The following GAB1 variants were observed in gnomAD, a reference collection of about 807,000 sequenced individuals.
GAB1 encodes GRB2 associated binding protein 1, also known as GRB2-associated-binding protein 1.
GAB1 carries 19 observed loss-of-function variants against 66.5 expected under a neutral mutation model. The observed-to-expected ratio is 0.29, with a 90% CI of 0.20 to 0.42. The LOEUF is 0.42. Among genes scored for constraint, GAB1 ranks in the 10% least tolerant of loss-of-function variants. The pLI is 1.00. For missense variants in GAB1, 732 were observed against 858.5 expected (o/e 0.85, Z 1.84); for synonymous variants, 294 against 301.4 (o/e 0.98, Z 0.25).
At chr4:143,413,811 C>G (rs371875385) in intron 1 of GAB1, among the ~76,000 whole-genome samples, 3 of 133,586 alleles carry the variant, frequency 2.2e-5, no homozygotes, top group African/African-American at 1.0e-4. Context: ...AGCATCCCCA[C>G]CACCCCGCTG....
chr4:143,344,974 T>C (rs1728942944), intron 1 of GAB1, among the ~76,000 whole-genome samples: 1 of 152,200 alleles, frequency 6.6e-6, no homozygotes, highest in Admixed American at 6.5e-5. Flanking sequence ...TTACATTAGC[T>C]CTTGAAGCAT....
chr4:143,385,466 T>A (rs1730855020), intron 1 of GAB1, among the ~76,000 whole-genome samples: 1 of 152,216 alleles, frequency 6.6e-6, no homozygotes, highest in Non-Finnish European at 1.5e-5. Context: ...TTGTTGGTGC[T>A]TTCCTCCTCT....
In GAB1 at chr4:143,433,634, C is replaced by T; in HGVS notation, c.511C>T (p.Leu171=). 2.5e-6 allele frequency: 4 copies of T among 1,614,008 alleles called. No homozygotes were observed. The highest frequency in any genetic ancestry group is 3.4e-6 in the Non-Finnish European group (4 of 1,179,906). Residue 171 remains leucine, a synonymous_variant, in exon 3 of 10, where the codon CTG becomes TTG. Transcript: ENST00000262994. The stretch of plus-strand genomic sequence containing the variant: ...TCAGCTAATCAATGTTCCACCACAC[C>T]TGGAAACTCTTGGCATTCAGGAGGA... ...PYQLINVPPH[L]ETLGIQEDPQ...
chr4:143,459,412 C>T lies in GAB1; in HGVS notation c.1613C>T (p.Pro538Leu). The T allele has an allele frequency of 6.2e-7, 1 of 1,610,390 alleles. No homozygotes were observed. Among genetic ancestry groups the T allele is most frequent in the Non-Finnish European group, 8.5e-7 (1 of 1,176,748 alleles). ...AAGCCAGCGCCTTTAGAAATAAAACCTTTGCCAGAATGGGAAGAATTACAA... is the reference window on the plus strand; with the variant it reads ...AAGCCAGCGCCTTTAGAAATAAAACTTTTGCCAGAATGGGAAGAATTACAA... ...KVKPAPLEIK[P>L]LPEWEELQAP... is the part of the protein sequence containing the mutation. The change falls in exon 7 of 10, where the codon CCT becomes CTT. Residue 538 changes from proline (P) to leucine (L), a missense_variant. Coordinates refer to ENST00000262994, the MANE Select transcript of GAB1 (RefSeq NM_002039.4).
At chr4:143,459,527 C>A in intron 7 of GAB1, 49 bp downstream of exon 7, 1 of 1,003,966 alleles carries the variant, frequency 1.0e-6, no homozygotes, top group Non-Finnish European at 1.6e-6. Context: ...ATGTGACTAT[C>A]TAGAATTGTT....
chr4:143,437,835 A>G (rs1734012429), intron 3 of GAB1, among the ~76,000 whole-genome samples, 164 bp from the exon 4 acceptor site: 1 of 152,148 alleles, frequency 6.6e-6, no homozygotes, highest in Non-Finnish European at 1.5e-5. Context: ...TCTGATGTAT[A>G]ATCATAAAGG....
At chr4:143,447,593 G>C (rs932036103) in intron 6 of GAB1, among the ~76,000 whole-genome samples, 22 of 152,178 alleles carry the variant, frequency 1.4e-4, no homozygotes, top group Middle Eastern at 3.4e-3. Context: ...TTGGCTCTCT[G>C]TTATTGGTGT....
chr4:143,468,806 C>A (rs1735934313), intron 9 of GAB1, among the ~76,000 whole-genome samples: 1 of 151,868 alleles, frequency 6.6e-6, no homozygotes, highest in African/African-American at 2.4e-5. Flanking sequence ...GCCTGTAATC[C>A]CAGCTACTCA....
intron 1 of GAB1, among the ~76,000 whole-genome samples, chr4:143,350,725 T>C (rs1729172348): frequency 6.8e-6 from 1 of 147,444 alleles, no homozygotes; most frequent in Admixed American, 6.8e-5. Flanking sequence ...TAGGCCCTGG[T>C]AATGGGAAAA....
chr4:143,411,029 A>C (rs1431277273), intron 1 of GAB1, among the ~76,000 whole-genome samples: 1 of 152,136 alleles, frequency 6.6e-6, no homozygotes, highest in Non-Finnish European at 1.5e-5. Context: ...TAGGGGGTAG[A>C]TTTTGTGCCA....
At chr4:143,452,144 A>G (rs929318961) in intron 6 of GAB1, among the ~76,000 whole-genome samples, 10 of 152,218 alleles carry the variant, frequency 6.6e-5, no homozygotes, top group Non-Finnish European at 1.0e-4. Flanking sequence ...GTTTCTCACT[A>G]TGTTGCCCAG....
chr4:143,392,873 AG>A (rs994293310), intron 1 of GAB1, among the ~76,000 whole-genome samples: 3 of 152,154 alleles, frequency 2.0e-5, no homozygotes, highest in African/African-American at 7.2e-5. Context: ...TGGATATCTG[AG>A]GTTTTTTACT....
chr4:143,445,730 T>A (rs2149768039), intron 6 of GAB1, among the ~76,000 whole-genome samples: 1 of 152,276 alleles, frequency 6.6e-6, no homozygotes, highest in South Asian at 2.1e-4. Flanking sequence ...ATTGAGATGA[T>A]CATATGTTTT....
intron 1 of GAB1, among the ~76,000 whole-genome samples, chr4:143,402,616 A>G (rs1024221822): frequency 6.6e-6 from 1 of 152,184 alleles, no homozygotes; most frequent in Admixed American, 6.5e-5. Flanking sequence ...AAAGGGTTGG[A>G]GATTTGTGGT....
At chr4:143,448,270 T>C (rs1256370074) in intron 6 of GAB1, among the ~76,000 whole-genome samples, 2 of 151,962 alleles carry the variant, frequency 1.3e-5, no homozygotes, top group Admixed American at 6.5e-5. Context: ...GTTGTGTCTC[T>C]GCCCGGCTTT....
At chr4:143,369,212 A>AT (rs1730013917) in intron 1 of GAB1, among the ~76,000 whole-genome samples, 1 of 152,026 alleles carries the variant, frequency 6.6e-6, no homozygotes, top group Admixed American at 6.6e-5. Flanking sequence ...GAGTGCTGGG[A>AT]TTACAGTTAT....
At position 143,470,104 on chromosome 4, in the gene GAB1, A is replaced by G. The variant is rs921029425; in HGVS notation, c.*915A>G. The G allele has an allele frequency of 1.3e-5, 2 of 152,212 alleles. No homozygotes were observed. Among genetic ancestry groups the G allele is most frequent in the Admixed American group, 6.5e-5 (1 of 15,282 alleles). 9.4% of individuals were successfully genotyped at this position (152,212 alleles called of 1,614,324 possible). The stretch of plus-strand genomic sequence containing the variant: ...TCCTAATATTGGTTTTCAGTTTGGA[A>G]TTAATAAAGCAGTTGACATTCACTG... On this transcript the variant is annotated 3_prime_UTR_variant, in exon 10 of 10. Coordinates refer to ENST00000262994, the MANE Select transcript of GAB1 (RefSeq NM_002039.4).
intron 1 of GAB1, among the ~76,000 whole-genome samples, chr4:143,354,692 CAT>C (rs1729371557): frequency 6.6e-6 from 1 of 152,072 alleles, no homozygotes; most frequent in African/African-American, 2.4e-5. Context: ...AGAAAATGTG[CAT>C]AGATTCACTT....
chr4:143,458,883 T>C (rs1409865133), intron 6 of GAB1, among the ~76,000 whole-genome samples: 1 of 152,032 alleles, frequency 6.6e-6, no homozygotes, highest in Admixed American at 6.6e-5. Flanking sequence ...ATTCGAACAT[T>C]TTTTCAGTTT....
Sources: allele counts gnomAD v4.1 joint callset (sites outside exome capture counted in the v4.1 genomes callset), GRCh38; gene constraint gnomAD v4.1.1; transcripts MANE v1.5; gene names NCBI Gene and HGNC (gene_info 2026-07-23, HGNC 2026-07-21).